The following GNG7 variants were observed in gnomAD, a reference collection of about 807,000 sequenced individuals.
GNG7 encodes G protein subunit gamma 7.
In GNG7, 1 loss-of-function variant was observed where a neutral mutation model predicts 4.0. The ratio of observed to expected loss-of-function variants is 0.25; its 90% CI spans 0.09 to 1.18. GNG7 has a LOEUF of 1.18. Ranked by LOEUF, GNG7 falls within the 50% of genes most tolerant of loss-of-function variation. GNG7 has a pLI of 0.50. For missense variants in GNG7, 86 were observed against 91.9 expected, an observed-to-expected ratio of 0.94 and a Z score of 0.26; for synonymous variants, 34 against 36.9, an observed-to-expected ratio of 0.92 and a Z score of 0.29.
At chr19:2,615,600 C>A (rs911600664) in intron 2 of GNG7, among the ~76,000 whole-genome samples, 1 of 151,494 alleles carries the variant, frequency 6.6e-6, no homozygotes, top group Non-Finnish European at 1.5e-5. Flanking sequence ...GTAGCTGGAA[C>A]TACAGGCACC....
At chr19:2,597,479 CTT>C (rs1262833874) in intron 2 of GNG7, among the ~76,000 whole-genome samples, 1 of 150,774 alleles carries the variant, frequency 6.6e-6, no homozygotes. Flanking sequence ...CACCTGTAAT[CTT>C]AGCTACTCAG....
intron 3 of GNG7, among the ~76,000 whole-genome samples, chr19:2,536,325 G>A (rs906248301): frequency 2.0e-5 from 3 of 152,034 alleles, no homozygotes; most frequent in Non-Finnish European, 4.4e-5. Flanking sequence ...GGCTGAGGCA[G>A]GAGAATTGCT....
At chr19:2,556,752 G>C (rs1979556878) in intron 2 of GNG7, among the ~76,000 whole-genome samples, 1 of 152,162 alleles carries the variant, frequency 6.6e-6, no homozygotes, top group African/African-American at 2.4e-5. Flanking sequence ...TCCTAAGCCA[G>C]GGTCTCTCCT....
intron 3 of GNG7, among the ~76,000 whole-genome samples, chr19:2,551,124 G>A (rs1599385506): frequency 3.3e-5 from 5 of 152,302 alleles, no homozygotes; most frequent in East Asian, 3.9e-4. Context: ...GCCACCTGCC[G>A]TCCAGCCACG....
At chr19:2,538,590 C>T (rs528930469) in intron 3 of GNG7, 86 of 391,986 alleles carry the variant, frequency 2.2e-4, no homozygotes, top group Non-Finnish European at 1.4e-4. Flanking sequence ...ATGATTGCAC[C>T]GCTGCACTCC....
rs1982810140 is a variant in GNG7, at chr19:2,651,275, TCCCTCCCTCCA to T, written c.-134-5006_-134-4996del. 6.9e-5 allele frequency among the ~76,000 whole-genome samples: 6 copies of T among 87,558 alleles called. 1 individual carries two copies. Among genetic ancestry groups the T allele is most frequent in the African/African-American group, 2.0e-4 (4 of 19,784 alleles). 57.4% of individuals were successfully genotyped at this position (87,558 alleles called of 152,430 possible). A position where few individuals can be genotyped will look rare whatever the true frequency, so the allele number is the denominator to read the frequency against. ...TTCCTTCCTTCCTTCCTTCCTTCCC[TCCCTCCCTCCA>T]TCCCTCCCTCCCTACCTTCCCTCCA... On this transcript the variant is annotated intron_variant, in intron 1 of 4. Coordinates refer to ENST00000382159, the MANE Select transcript of GNG7 (RefSeq NM_052847.3).
At chr19:2,622,281 A>G (rs984776258) in intron 2 of GNG7, among the ~76,000 whole-genome samples, 1 of 152,032 alleles carries the variant, frequency 6.6e-6, no homozygotes, top group East Asian at 1.9e-4. Flanking sequence ...GGGTTTCACC[A>G]TGTTAGCCAG....
chr19:2,632,585 TC>T (rs1982193060), intron 2 of GNG7: 1 of 151,990 alleles, frequency 6.6e-6, no homozygotes, highest in Non-Finnish European at 1.5e-5. Context: ...GGGAAGTCTC[TC>T]ACCGTCAGCA....
chr19:2,525,053 C>T (rs1351373700), intron 3 of GNG7, among the ~76,000 whole-genome samples: 2 of 152,158 alleles, frequency 1.3e-5, no homozygotes, highest in Non-Finnish European at 2.9e-5. Context: ...AGCAGCCATG[C>T]CCCCAGCAGA....
chr19:2,694,727 C>T (rs1599465785), intron 1 of GNG7, among the ~76,000 whole-genome samples: 1 of 152,052 alleles, frequency 6.6e-6, no homozygotes, highest in East Asian at 1.9e-4. Context: ...GATCATGGGA[C>T]GCGGAGTCTC....
intron 3 of GNG7, among the ~76,000 whole-genome samples, chr19:2,553,270 G>C (rs1412246918): frequency 6.6e-6 from 1 of 151,190 alleles, no homozygotes; most frequent in Non-Finnish European, 1.5e-5. Context: ...ATCCAATTAG[G>C]TAATCTACAC....
chr19:2,608,706 A>C (rs533160931), intron 2 of GNG7, among the ~76,000 whole-genome samples: 1 of 152,136 alleles, frequency 6.6e-6, no homozygotes, highest in African/African-American at 2.4e-5. Flanking sequence ...CCTTCCCTGC[A>C]TGGGGCAGAC....
intron 2 of GNG7, among the ~76,000 whole-genome samples, chr19:2,592,917 G>A (rs1468694510): frequency 6.9e-6 from 1 of 145,026 alleles, no homozygotes; most frequent in Non-Finnish European, 1.5e-5. Context: ...AAGAAGGAAG[G>A]AAGGAGAGGG....
In GNG7 at chr19:2,568,963, A is replaced by G. The variant is rs190211851; in HGVS notation, c.-77-13775T>C. ...AATACACACAAATATACGCATACAG[A>G]TCTGTGCACAAAAACATACACATAC... On this transcript the variant is annotated intron_variant, in intron 2 of 4. Transcript: ENST00000382159. 3.3e-4 allele frequency among the ~76,000 whole-genome samples: 43 copies of G among 130,278 alleles called. 1 individual carries two copies. Among genetic ancestry groups the G allele is most frequent in the Admixed American group, 3.0e-3 (37 of 12,288 alleles). 85.5% of individuals were successfully genotyped at this position (130,278 alleles called of 152,430 possible).
intron 2 of GNG7, chr19:2,610,951 G>A (rs4807306): frequency 0.77 from 109,466 of 141,992 alleles, 42,581 homozygotes; most frequent in Middle Eastern, 0.85. Context: ...CCTATCAGGC[G>A]GTGGGGACGA....
chr19:2,527,133 T>C (rs1978431151), intron 3 of GNG7, among the ~76,000 whole-genome samples: 1 of 152,302 alleles, frequency 6.6e-6, no homozygotes, highest in Non-Finnish European at 1.5e-5. Context: ...CGTGAGCCAC[T>C]GCTCCCGGCC....
Position 2,513,038 on chromosome 19 carries a change from T to C in GNG7, c.*1984A>G. ...CCCGAAGCCCCAGCCCTCCCGGACC[T>C]GCCGTAGAGAGCTGGGTGCCGGGGG... On this transcript the variant is annotated 3_prime_UTR_variant, in exon 5 of 5. Coordinates refer to ENST00000382159, the MANE Select transcript of GNG7 (RefSeq NM_052847.3). 2.0e-6 allele frequency: 2 copies of C among 985,420 alleles called. No homozygotes were observed. Among genetic ancestry groups the C allele is most frequent in the Non-Finnish European group, 2.4e-6 (2 of 829,934 alleles). 61.0% of individuals were successfully genotyped at this position (985,420 alleles called of 1,614,324 possible). A position where few individuals can be genotyped will look rare whatever the true frequency, so the allele number is the denominator to read the frequency against.
At chr19:2,696,906 C>T (rs1269518666) in intron 1 of GNG7, among the ~76,000 whole-genome samples, 1 of 152,136 alleles carries the variant, frequency 6.6e-6, no homozygotes, top group African/African-American at 2.4e-5. Context: ...GCTCTGTTGC[C>T]CAGGCTGGAG....
chr19:2,576,378 T>A (rs1980340664), intron 2 of GNG7, among the ~76,000 whole-genome samples: 1 of 152,146 alleles, frequency 6.6e-6, no homozygotes, highest in Non-Finnish European at 1.5e-5. Context: ...ACCCACTCCC[T>A]CCTAGAGTTC....
Sources: gnomAD v4.1 joint callset for allele counts (sites outside exome capture counted in the v4.1 genomes callset) on GRCh38, gnomAD v4.1.1 for gene constraint, MANE v1.5 for transcripts, NCBI Gene and HGNC (gene_info 2026-07-23, HGNC 2026-07-21) for gene names.